SLC30A9: variants seen among roughly 807,000 people sequenced by gnomAD.
SLC30A9 encodes the protein solute carrier family 30 member 9.
Under a neutral mutation model 87.5 loss-of-function variants are expected in SLC30A9, and 58 were observed. That is an observed-to-expected ratio of 0.66 (90% CI 0.54 to 0.82). SLC30A9 has a LOEUF of 0.82. SLC30A9 is among the 40% of genes least tolerant of loss of function. The probability of loss-of-function intolerance (pLI) is 0.00; values close to 1 mark genes in which losing one functional copy is unlikely to be tolerated. For synonymous variants in SLC30A9, 234 were observed against 233.0 expected, an observed-to-expected ratio of 1.00 and a Z score of -0.04; for missense variants, 557 against 679.1, an observed-to-expected ratio of 0.82 and a Z score of 2.00.
chr4:42,019,101 T>C (rs1715835461), intron 3 of SLC30A9, among the ~76,000 whole-genome samples: 1 of 152,192 alleles, frequency 6.6e-6, no homozygotes, highest in South Asian at 2.1e-4. Context: ...AATGTAAGTA[T>C]GTATTATTTT....
intron 8 of SLC30A9, among the ~76,000 whole-genome samples, chr4:42,047,063 T>A (rs1388873648): frequency 1.3e-5 from 2 of 152,128 alleles, no homozygotes; most frequent in African/African-American, 4.8e-5. Flanking sequence ...TCTTTATACC[T>A]TATACAAAAA....
At chr4:42,061,014 T>G (rs1358486642) in intron 10 of SLC30A9, among the ~76,000 whole-genome samples, 2 of 152,214 alleles carry the variant, frequency 1.3e-5, no homozygotes, top group African/African-American at 2.4e-5. Context: ...CTCTAGTGTG[T>G]TAATTACCCA....
chr4:42,062,949 G>A (rs769735292), intron 10 of SLC30A9, 37 bp from the exon 11 acceptor site: 1 of 1,577,758 alleles, frequency 6.3e-7, no homozygotes, highest in South Asian at 1.1e-5. Flanking sequence ...GAAACCATTT[G>A]TATTTCTTGC....
Position 42,060,208 on chromosome 4 carries a change from C to G in SLC30A9, c.858C>G (p.Gly286=). The change falls in exon 10 of 18, where the codon GGC becomes GGG. Residue 286 remains glycine (G), a synonymous_variant. Coordinates refer to ENST00000264451, the MANE Select transcript of SLC30A9 (RefSeq NM_006345.4). ...DTCNQGLLAL[G]ISKSVQTPDP... ...CTTCATAGGGTTTACTAGCATTGGG[C>G]ATCAGTAAGTCTGTTCAAACACCAG... The G allele has an allele frequency of 6.2e-7, 1 of 1,611,884 alleles. No individual in the cohort carries two copies. Among genetic ancestry groups the G allele is most frequent in the Non-Finnish European group, 8.5e-7 (1 of 1,178,372 alleles).
intron 2 of SLC30A9, among the ~76,000 whole-genome samples, chr4:42,009,633 A>G (rs1375685196): frequency 6.6e-6 from 1 of 152,230 alleles, no homozygotes; most frequent in Non-Finnish European, 1.5e-5. Flanking sequence ...AGTTGGTGCT[A>G]TGTAAAATAA....
chr4:42,010,382 C>T (rs534946457), intron 2 of SLC30A9, among the ~76,000 whole-genome samples: 69 of 152,160 alleles, frequency 4.5e-4, no homozygotes, highest in Admixed American at 1.3e-3. Flanking sequence ...GAGGCCGAGA[C>T]GGGAGGATCA....
At chr4:42,055,059 C>T (rs138040451) in intron 9 of SLC30A9, among the ~76,000 whole-genome samples, 154 of 152,120 alleles carry the variant, frequency 1.0e-3, no homozygotes, top group African/African-American at 2.7e-3. Context: ...CATGGTGGCT[C>T]ATGCCTGTAA....
intron 1 of SLC30A9, among the ~76,000 whole-genome samples, chr4:41,994,402 G>A (rs1156427932): frequency 6.6e-6 from 1 of 151,556 alleles, no homozygotes; most frequent in East Asian, 1.9e-4. Flanking sequence ...CTTTGGGTTA[G>A]GATAGAGCAC....
At chr4:42,004,664 C>CTTTTTT (rs71198699) in intron 2 of SLC30A9, among the ~76,000 whole-genome samples, 2 of 128,324 alleles carry the variant, frequency 1.6e-5, no homozygotes, top group Admixed American at 8.5e-5. Flanking sequence ...TTTTCTTTTT[C>CTTTTTT]TTTTTTTTTT....
chr4:42,049,284 A>T (rs1717290625), intron 8 of SLC30A9, 93 bp from the exon 9 acceptor site: 1 of 642,728 alleles, frequency 1.6e-6, no homozygotes, highest in Non-Finnish European at 2.7e-6. Flanking sequence ...CTTTCAACAG[A>T]ATCTAGTGTA....
intron 10 of SLC30A9, among the ~76,000 whole-genome samples, chr4:42,061,718 A>G (rs913433593): frequency 6.6e-6 from 1 of 151,518 alleles, no homozygotes; most frequent in Non-Finnish European, 1.5e-5. Flanking sequence ...ACCAACATGG[A>G]GAAACCCCAT....
Position 42,038,516 on chromosome 4 carries a change from A to G in SLC30A9, c.670-470A>G, listed in dbSNP as rs1020044703. Among the ~76,000 whole-genome samples the G allele has an allele frequency of 2.2e-4, 34 of 152,318 alleles. 1 individual carries two copies. Among genetic ancestry groups the G allele is most frequent in the Middle Eastern group, 6.8e-3 (2 of 294 alleles). ...CTGTTTGTTATCAATAAACAGTATA[A>G]TTCAGAAATCTAGACCCATAGTCAG... On this transcript the variant is annotated intron_variant, in intron 7 of 17. Transcript: ENST00000264451.
chr4:42,032,989 C>T (rs1222320761), intron 6 of SLC30A9, among the ~76,000 whole-genome samples: 1 of 152,112 alleles, frequency 6.6e-6, no homozygotes, highest in African/African-American at 2.4e-5. Context: ...AGTATTAATA[C>T]TAACAATGTA....
rs1395393238 is a variant in SLC30A9, at chr4:42,035,282, T to C, written c.618T>C (p.Phe206=). 1.2e-6 allele frequency: 2 copies of C among 1,601,796 alleles called. No homozygotes were observed. Among genetic ancestry groups the C allele is most frequent in the Admixed American group, 1.7e-5 (1 of 59,424 alleles). Residue 206 remains phenylalanine (F), a synonymous_variant, in exon 7 of 18, where the codon TTT becomes TTC. Coordinates refer to ENST00000264451, the MANE Select transcript of SLC30A9 (RefSeq NM_006345.4). The stretch of plus-strand genomic sequence containing the variant: ...ATTTTGTTATTCTTACAGGGCTATT[T>C]AGAAACCAAAAAATATTAAGAGAAT... ...EAEIEYRERL[F]RNQKILREYR... is the part of the protein sequence containing the mutation.
chr4:41,999,114 C>G (rs1284671126), intron 1 of SLC30A9, among the ~76,000 whole-genome samples: 2 of 152,064 alleles, frequency 1.3e-5, no homozygotes, highest in East Asian at 1.9e-4. Context: ...AATGACTAAA[C>G]TAGATTGAAA....
At chr4:42,028,666 G>C (rs1716292271) in intron 6 of SLC30A9, among the ~76,000 whole-genome samples, 1 of 152,202 alleles carries the variant, frequency 6.6e-6, no homozygotes, top group Admixed American at 6.5e-5. Flanking sequence ...CTTGTTTGCT[G>C]TTGAACCAAT....
intron 6 of SLC30A9, among the ~76,000 whole-genome samples, chr4:42,025,916 G>A (rs1716173839): frequency 6.6e-6 from 1 of 151,972 alleles, no homozygotes; most frequent in Non-Finnish European, 1.5e-5. Flanking sequence ...GCCTCCCAAA[G>A]TGCTGGGATT....
intron 9 of SLC30A9, among the ~76,000 whole-genome samples, chr4:42,051,504 C>T (rs556167990): frequency 1.3e-5 from 2 of 152,138 alleles, no homozygotes; most frequent in South Asian, 2.1e-4. Context: ...ATTTCAAGTA[C>T]AGTCATGTAT....
rs995520280 is a variant in SLC30A9 at position 42,063,601 on chromosome 4, C to T, written c.1032+480C>T. Reference sequence around the variant, plus strand: ...ATGGGAGGATAGCAGGATGATCACCCGTATGATCCCCTCTGGGGCTTCTGC... The same window carrying T: ...ATGGGAGGATAGCAGGATGATCACCTGTATGATCCCCTCTGGGGCTTCTGC... On this transcript the variant is annotated intron_variant, in intron 11 of 17. Coordinates refer to ENST00000264451, the MANE Select transcript of SLC30A9 (RefSeq NM_006345.4). Among the ~76,000 whole-genome samples the T allele has an allele frequency of 8.5e-5, 13 of 152,188 alleles. No individual in the cohort carries two copies. In the East Asian group the frequency reaches 9.6e-4, roughly 11 times the overall value.
Sources: gnomAD v4.1 joint callset for allele counts (sites outside exome capture counted in the v4.1 genomes callset) on GRCh38, gnomAD v4.1.1 for gene constraint, MANE v1.5 for transcripts, NCBI Gene and HGNC (gene_info 2026-07-23, HGNC 2026-07-21) for gene names.